SMYD3: variants seen among roughly 807,000 people sequenced by gnomAD.
SMYD3 encodes SET and MYND domain containing 3, also known as histone-lysine N-methyltransferase SMYD3.
In SMYD3, 36 loss-of-function variants were observed where a neutral mutation model predicts 57.7. That is an observed-to-expected ratio of 0.62 (90% CI 0.48 to 0.82). The LOEUF is 0.82. SMYD3 is among the 40% of genes least tolerant of loss of function. The probability of loss-of-function intolerance (pLI) is 0.00; values close to 1 mark genes in which losing one functional copy is unlikely to be tolerated. For missense variants in SMYD3, 515 were observed against 538.8 expected, an observed-to-expected ratio of 0.96 and a Z score of 0.44; for synonymous variants, 211 against 195.0, an observed-to-expected ratio of 1.08 and a Z score of -0.68.
chr1:246,162,765 G>A (rs981270425), intron 5 of SMYD3, among the ~76,000 whole-genome samples: 5 of 152,110 alleles, frequency 3.3e-5, no homozygotes, highest in South Asian at 2.1e-4. Flanking sequence ...GATTTCAACC[G>A]TACCATATAA....
intron 5 of SMYD3, among the ~76,000 whole-genome samples, chr1:246,044,692 C>T (rs893678547): frequency 6.6e-6 from 1 of 152,048 alleles, no homozygotes; most frequent in East Asian, 1.9e-4. Flanking sequence ...TACAGGTGTG[C>T]AACAAATTAG....
chr1:245,831,298 C>T (rs2049818308), intron 10 of SMYD3, among the ~76,000 whole-genome samples: 1 of 152,178 alleles, frequency 6.6e-6, no homozygotes, highest in African/African-American at 2.4e-5. Context: ...GGAATGCTAG[C>T]CATGACATAT....
chr1:246,317,626 CAG>C (rs1268104394), intron 5 of SMYD3, among the ~76,000 whole-genome samples: 1 of 152,186 alleles, frequency 6.6e-6, no homozygotes, highest in Non-Finnish European at 1.5e-5. Flanking sequence ...GCTACAATGG[CAG>C]AGTTGAGTTG....
chr1:246,396,311 T>C (rs1304577967), intron 1 of SMYD3, among the ~76,000 whole-genome samples: 1 of 152,210 alleles, frequency 6.6e-6, no homozygotes, highest in African/African-American at 2.4e-5. Flanking sequence ...ATTTTAGTGT[T>C]AGCTTCTCAG....
intron 5 of SMYD3, among the ~76,000 whole-genome samples, chr1:246,255,985 GATAC>G (rs1553320472): frequency 5.5e-5 from 8 of 144,564 alleles, no homozygotes; most frequent in Middle Eastern, 3.4e-3. Flanking sequence ...TAGATAGATA[GATAC>G]ACACACACAT....
At chr1:246,228,658 T>G (rs775968802) in intron 5 of SMYD3, among the ~76,000 whole-genome samples, 1 of 152,226 alleles carries the variant, frequency 6.6e-6, no homozygotes, top group Non-Finnish European at 1.5e-5. Context: ...AGTGACAATC[T>G]AGGTTCCTTT....
intron 2 of SMYD3, among the ~76,000 whole-genome samples, chr1:246,349,701 T>C (rs2065790531): frequency 6.6e-6 from 1 of 152,168 alleles, no homozygotes; most frequent in Admixed American, 6.5e-5. Flanking sequence ...AAAGTGTTAT[T>C]TGAGAGTAAA....
chr1:246,307,657 G>T (rs1274798942), intron 5 of SMYD3, among the ~76,000 whole-genome samples: 72 of 151,926 alleles, frequency 4.7e-4, no homozygotes, highest in Non-Finnish European at 7.4e-5. Context: ...CTGACCTCAT[G>T]ATCCGCCCGC....
intron 1 of SMYD3, among the ~76,000 whole-genome samples, chr1:246,435,085 T>A (rs973515388): frequency 2.6e-5 from 4 of 152,194 alleles, no homozygotes; most frequent in Admixed American, 1.3e-4. Flanking sequence ...TAACATGTAG[T>A]TCACACTTAT....
At chr1:246,472,751 A>T (rs902926875) in intron 1 of SMYD3, among the ~76,000 whole-genome samples, 2 of 152,118 alleles carry the variant, frequency 1.3e-5, no homozygotes, top group Admixed American at 1.3e-4. Context: ...CTCCAAAAAA[A>T]AGTCAAACAG....
intron 5 of SMYD3, among the ~76,000 whole-genome samples, chr1:246,097,054 C>A (rs559722891): frequency 2.6e-5 from 4 of 152,282 alleles, no homozygotes; most frequent in Admixed American, 6.5e-5. Context: ...ATTAAAAATT[C>A]TTTCATTACA....
chr1:246,123,571 A>AACACACACACAC (rs557543331), intron 5 of SMYD3, among the ~76,000 whole-genome samples: 44 of 129,574 alleles, frequency 3.4e-4, no homozygotes, highest in African/African-American at 9.0e-4. Flanking sequence ...TCCATCTCAA[A>AACACACACACAC]ACACACACAC....
intron 8 of SMYD3, among the ~76,000 whole-genome samples, chr1:245,877,435 C>T (rs746295601): frequency 3.9e-5 from 6 of 152,176 alleles, no homozygotes; most frequent in Non-Finnish European, 7.3e-5. Context: ...AGTATAATCT[C>T]TATGTTTTTC....
At chr1:246,338,929 T>A (rs1316909461) in intron 2 of SMYD3, among the ~76,000 whole-genome samples, 2 of 152,222 alleles carry the variant, frequency 1.3e-5, no homozygotes, top group Non-Finnish European at 2.9e-5. Flanking sequence ...CCAGACATTC[T>A]GTGTCGGACA....
intron 5 of SMYD3, among the ~76,000 whole-genome samples, chr1:245,970,145 A>G (rs909469368): frequency 8.5e-5 from 13 of 152,236 alleles, no homozygotes; most frequent in African/African-American, 3.1e-4. Flanking sequence ...CAGAGGCCTC[A>G]GGAATAATAC....
intron 1 of SMYD3, among the ~76,000 whole-genome samples, chr1:246,405,827 G>A (rs1402121511): frequency 2.0e-5 from 3 of 150,186 alleles, no homozygotes; most frequent in African/African-American, 4.9e-5. Flanking sequence ...GGAGAATGGC[G>A]TGAACCCAGG....
At position 245,822,171 on chromosome 1, in the gene SMYD3, G is replaced by A. The variant is rs574412921; in HGVS notation, c.1076+36325C>T. Among the ~76,000 whole-genome samples, 6 of 152,228 alleles carry A rather than the reference G, an allele frequency of 3.9e-5. No homozygotes were observed. The South Asian group carries it at 1.2e-3, about 32-fold the overall frequency. ...CCAAATGTCCAACAATGATAGATCG[G>A]ATTAAGAAAATGTGGCACATATACA... is the stretch of plus-strand genomic sequence containing the variant. On this transcript the variant is annotated intron_variant, in intron 10 of 11. Transcript: ENST00000490107.
At chr1:246,212,969 T>G (rs1321459201) in intron 5 of SMYD3, among the ~76,000 whole-genome samples, 1 of 152,142 alleles carries the variant, frequency 6.6e-6, no homozygotes, top group Non-Finnish European at 1.5e-5. Context: ...ACAGCATTTC[T>G]CTGGTGTCAG....
chr1:245,755,368 T>A (rs1405767277), intron 11 of SMYD3, among the ~76,000 whole-genome samples: 1 of 152,236 alleles, frequency 6.6e-6, no homozygotes, highest in African/African-American at 2.4e-5. Context: ...CTGTTATTGC[T>A]GGGTGAAGTG....
Sources: gnomAD v4.1 joint callset for allele counts (sites outside exome capture counted in the v4.1 genomes callset) on GRCh38, gnomAD v4.1.1 for gene constraint, MANE v1.5 for transcripts, NCBI Gene and HGNC (gene_info 2026-07-23, HGNC 2026-07-21) for gene names.